The following CERK variants were observed in gnomAD, a reference collection of about 807,000 sequenced individuals.
CERK encodes ceramide kinase, also known as acylsphingosine kinase.
A neutral mutation model predicts 63.4 loss-of-function variants in CERK; 39 were observed. The observed-to-expected ratio is 0.61, with a 90% confidence interval of 0.48 to 0.80. The LOEUF (loss-of-function observed/expected upper bound fraction) is 0.80, where lower values mean the gene tolerates loss of function less well. Among genes scored for constraint, CERK ranks in the 30% least tolerant of loss-of-function variants. CERK has a pLI of 0.00. For missense variants in CERK, 670 were observed against 714.1 expected (o/e 0.94, Z 0.70); for synonymous variants, 302 against 280.0 (o/e 1.08, Z -0.78).
At chr22:46,697,301 CTTTCT>C (rs906000464) in intron 8 of CERK, among the ~76,000 whole-genome samples, 3 of 151,972 alleles carry the variant, frequency 2.0e-5, no homozygotes, top group Admixed American at 6.6e-5. Context: ...TTTCTTCTTT[CTTTCT>C]TTTCTTTTTT....
chr22:46,691,810 T>G (rs1477290884), intron 10 of CERK, 33 bp from the exon 11 acceptor site: 1 of 1,582,222 alleles, frequency 6.3e-7, no homozygotes, highest in Non-Finnish European at 8.6e-7. Context: ...GATGTCACAG[T>G]TACAATGGCG....
At position 46,690,113 on chromosome 22, in the gene CERK, CCTT is replaced by C. The variant is rs1468303825; in HGVS notation, c.1417_1419del (p.Lys473del). 1 of 1,614,004 alleles carries C rather than the reference CCTT, an allele frequency of 6.2e-7. No homozygotes were observed. Among genetic ancestry groups the C allele is most frequent in the Non-Finnish European group, 8.5e-7 (1 of 1,180,030 alleles). ...TGCCCAAAGCGCTTCTTCCCCCCCT[CCTT>C]GAGGTCGCTGTCCTCATCCTCCATG... On this transcript the variant is annotated inframe_deletion, in exon 12 of 13. Coordinates refer to ENST00000216264, the MANE Select transcript of CERK (RefSeq NM_022766.6).
intron 10 of CERK, among the ~76,000 whole-genome samples, chr22:46,692,998 T>C (rs887451989): frequency 2.6e-5 from 4 of 151,734 alleles, no homozygotes; most frequent in Non-Finnish European, 5.9e-5. Context: ...TAAATTTCAG[T>C]GTCCATAAAT....
intron 6 of CERK, among the ~76,000 whole-genome samples, chr22:46,704,841 A>G (rs1199776998): frequency 6.6e-6 from 1 of 151,828 alleles, no homozygotes; most frequent in Non-Finnish European, 1.5e-5. Flanking sequence ...AAAAAAAAAA[A>G]AAAGTGACAA....
chr22:46,721,093 T>A, intron 1 of CERK, 78 bp from the exon 2 acceptor site: 1 of 914,018 alleles, frequency 1.1e-6, no homozygotes, highest in Non-Finnish European at 1.8e-6. Context: ...TCCAAGAAGC[T>A]GAGAATATTC....
intron 5 of CERK, among the ~76,000 whole-genome samples, chr22:46,709,305 G>A (rs998654286): frequency 2.0e-5 from 3 of 152,198 alleles, no homozygotes; most frequent in African/African-American, 7.2e-5. Context: ...CCTTGGCTAG[G>A]GTGGGTGCAA....
At chr22:46,718,319 T>C (rs768600635) in intron 3 of CERK, among the ~76,000 whole-genome samples, 19 of 151,628 alleles carry the variant, frequency 1.3e-4, no homozygotes, top group Non-Finnish European at 2.6e-4. Flanking sequence ...TCAGCCAAAG[T>C]CTCATGAAAA....
chr22:46,730,312 T>A (rs1398629832), intron 1 of CERK, among the ~76,000 whole-genome samples: 1 of 150,300 alleles, frequency 6.7e-6, no homozygotes, highest in Non-Finnish European at 1.5e-5. Context: ...TCCCAGCTAC[T>A]CAGAAGGCTG....
At chr22:46,717,151 C>T (rs984400452) in intron 3 of CERK, among the ~76,000 whole-genome samples, 3 of 152,128 alleles carry the variant, frequency 2.0e-5, no homozygotes, top group Admixed American at 6.5e-5. Flanking sequence ...ATGGCTAAGA[C>T]GTAAAGGTGT....
intron 10 of CERK, among the ~76,000 whole-genome samples, chr22:46,692,150 G>C (rs535028206): frequency 6.6e-6 from 1 of 152,238 alleles, no homozygotes; most frequent in Non-Finnish European, 1.5e-5. Context: ...AAAAAGGTCT[G>C]GCGCGGTGGC....
chr22:46,713,526 A>AAAAC (rs1569325732), intron 3 of CERK, among the ~76,000 whole-genome samples: 68 of 148,068 alleles, frequency 4.6e-4, no homozygotes, highest in Middle Eastern at 3.4e-3. Context: ...AAAAAAAAAA[A>AAAAC]AAACAAACAA....
chr22:46,724,974 T>C lies in CERK; in HGVS notation c.143-3959A>G, dbSNP rs1307206173. Among the ~76,000 whole-genome samples the C allele has an allele frequency of 2.6e-5, 4 of 151,908 alleles. No homozygotes were observed. The East Asian group carries it at 5.8e-4, about 22-fold the overall frequency. ...AGGCGGGGCTTGCAGTGAGCCAAGA[T>C]TGCGCCACTGCACTCCAGCCTGGGC... On this transcript the variant is annotated intron_variant, in intron 1 of 12. Transcript: ENST00000216264.
At chr22:46,708,264 T>C (rs1402982054) in intron 5 of CERK, among the ~76,000 whole-genome samples, 4 of 152,256 alleles carry the variant, frequency 2.6e-5, no homozygotes, top group Non-Finnish European at 5.9e-5. Context: ...CCTGCATGCC[T>C]GTACCCCCTC....
Sources: allele counts gnomAD v4.1 joint callset (sites outside exome capture counted in the v4.1 genomes callset), GRCh38; gene constraint gnomAD v4.1.1; transcripts MANE v1.5; gene names NCBI Gene and HGNC (gene_info 2026-07-23, HGNC 2026-07-21).